CDH4: variants seen among roughly 807,000 people sequenced by gnomAD.
CDH4 encodes cadherin-4.
In CDH4, 33 loss-of-function variants were observed where a neutral mutation model predicts 86.0. The observed-to-expected ratio is 0.38, with a 90% CI of 0.29 to 0.51. The LOEUF (loss-of-function observed/expected upper bound fraction) is 0.51. Ranked by LOEUF, CDH4 falls within the 20% of genes least tolerant of loss-of-function variation. The probability of loss-of-function intolerance (pLI) is 0.86; values close to 1 mark genes in which losing one functional copy is unlikely to be tolerated. For missense variants in CDH4, 1,114 were observed against 1,307.4 expected, an observed-to-expected ratio of 0.85 and a Z score of 2.28; for synonymous variants, 555 against 549.4, an observed-to-expected ratio of 1.01 and a Z score of -0.14.
intron 9 of CDH4, among the ~76,000 whole-genome samples, chr20:61,920,519 A>G (rs1202817701): frequency 1.4e-5 from 2 of 147,210 alleles, no homozygotes; most frequent in Non-Finnish European, 3.0e-5. Context: ...ATTATGTGGA[A>G]GTGTGGTGTC....
At chr20:61,597,844 G>T (rs940256957) in intron 2 of CDH4, among the ~76,000 whole-genome samples, 1 of 152,234 alleles carries the variant, frequency 6.6e-6, no homozygotes, top group Non-Finnish European at 1.5e-5. Context: ...AGCCTCAGAT[G>T]CAGCCGGGCG....
intron 2 of CDH4, among the ~76,000 whole-genome samples, chr20:61,290,735 C>G (rs991520626): frequency 6.6e-6 from 1 of 152,154 alleles, no homozygotes; most frequent in Non-Finnish European, 1.5e-5. Context: ...ACCCAGCCAC[C>G]CACAGTGGGC....
rs1026906810 is a variant in CDH4, at chr20:61,336,225, C to T, written c.169+81288C>T. ...CTGCTATGAGACCATGGGTGAATCA[C>T]AGTTCACTCAATAAGCCTTTTTTTT... On this transcript the variant is annotated intron_variant, in intron 2 of 15. Transcript: ENST00000614565. Among the ~76,000 whole-genome samples the T allele has an allele frequency of 4.6e-5, 7 of 152,314 alleles. No homozygotes were observed. In the South Asian group the frequency reaches 1.5e-3, roughly 32 times the overall value.
chr20:61,316,157 G>T (rs1347993740), intron 2 of CDH4, among the ~76,000 whole-genome samples: 1 of 152,144 alleles, frequency 6.6e-6, no homozygotes, highest in South Asian at 2.1e-4. Flanking sequence ...TTAGGATGGG[G>T]CAGGTTTCAG....
At chr20:61,761,709 C>T (rs2088634943) in intron 3 of CDH4, among the ~76,000 whole-genome samples, 1 of 152,142 alleles carries the variant, frequency 6.6e-6, no homozygotes, top group Admixed American at 6.6e-5. Flanking sequence ...GAGGGGTGAG[C>T]GCGGATTTTG....
chr20:61,678,509 G>C (rs1276189018), intron 2 of CDH4, among the ~76,000 whole-genome samples: 10 of 152,190 alleles, frequency 6.6e-5, no homozygotes, highest in Non-Finnish European at 1.2e-4. Context: ...AATGACACCA[G>C]GTAGCCAGGA....
At chr20:61,333,939 C>G (rs925126195) in intron 2 of CDH4, among the ~76,000 whole-genome samples, 3 of 152,188 alleles carry the variant, frequency 2.0e-5, no homozygotes, top group Non-Finnish European at 2.9e-5. Flanking sequence ...TGGGAGGGGG[C>G]CTCCTGGTCG....
At chr20:61,886,667 C>G (rs904540968) in intron 7 of CDH4, among the ~76,000 whole-genome samples, 1 of 152,150 alleles carries the variant, frequency 6.6e-6, no homozygotes, top group Non-Finnish European at 1.5e-5. Context: ...AGAGCTGAGT[C>G]CTGGGTCATC....
chr20:61,826,962 AGTGTGTGTGTGTGTGTGT>A (rs11470719), intron 4 of CDH4, among the ~76,000 whole-genome samples: 28 of 145,992 alleles, frequency 1.9e-4, no homozygotes, highest in East Asian at 4.0e-4. Context: ...AGAAGGGAAA[AGTGTGTGTGTGTGTGTGT>A]GTGTGTGTGT....
Position 61,623,621 on chromosome 20 carries a change from G to A in CDH4, c.170-119942G>A, listed in dbSNP as rs976043952. On this transcript the variant is annotated intron_variant, in intron 2 of 15. Transcript: ENST00000614565. The surrounding 1 kb of genome is among the most constrained non-coding windows in gnomAD (Gnocchi z 4.4). Reference sequence around the variant, plus strand: ...TTTCCTCTACATGAGCATCATTCGTGCAAAGTGCATCACAGCTGATTCTGA... The same window carrying A: ...TTTCCTCTACATGAGCATCATTCGTACAAAGTGCATCACAGCTGATTCTGA... Among the ~76,000 whole-genome samples the A allele has an allele frequency of 3.3e-5, 5 of 152,160 alleles. No individual in the cohort carries two copies. The highest frequency in any genetic ancestry group is 5.9e-5 in the Non-Finnish European group (4 of 68,034).
intron 2 of CDH4, chr20:61,718,857 C>T: frequency 2.1e-6 from 1 of 471,194 alleles, no homozygotes; most frequent in Non-Finnish European, 4.4e-6. Flanking sequence ...TTGGACTTCA[C>T]TGTTCCTGCT....
Position 61,879,834 on chromosome 20 carries a change from C to A in CDH4, c.1050+5934C>A, listed in dbSNP as rs191427320. Among the ~76,000 whole-genome samples, 1 of 152,280 alleles carries A rather than the reference C, an allele frequency of 6.6e-6. No homozygotes were observed. The highest frequency in any genetic ancestry group is 1.5e-5 in the Non-Finnish European group (1 of 68,024). On this transcript the variant is annotated intron_variant, in intron 7 of 15. Coordinates refer to ENST00000614565, the MANE Select transcript of CDH4 (RefSeq NM_001794.5). This position sits in a 1 kb window ranked among gnomAD's most constrained non-coding sequence, Gnocchi z 4.1. ...TCTCAGCGTCCCTTCCAGGCTGCTC[C>A]CGAGGATGTTGATTTTGTTATTAGA...
chr20:61,257,871 G>T (rs2084107596), intron 2 of CDH4, among the ~76,000 whole-genome samples: 1 of 152,244 alleles, frequency 6.6e-6, no homozygotes, highest in Non-Finnish European at 1.5e-5. Flanking sequence ...GTAGAGGCGG[G>T]AGAGTCCTAG....
chr20:61,777,596 A>T (rs1025353247), intron 4 of CDH4, among the ~76,000 whole-genome samples: 2 of 152,220 alleles, frequency 1.3e-5, no homozygotes, highest in African/African-American at 2.4e-5. Context: ...GTGCATGTGC[A>T]CACACATCCA....
intron 2 of CDH4, among the ~76,000 whole-genome samples, chr20:61,373,630 A>G (rs2084851783): frequency 6.6e-6 from 1 of 152,154 alleles, no homozygotes. Context: ...CCTGGGGAAT[A>G]TGCGTTCCGA....
intron 2 of CDH4, among the ~76,000 whole-genome samples, chr20:61,638,484 T>C (rs886843374): frequency 3.9e-5 from 6 of 152,094 alleles, no homozygotes; most frequent in Admixed American, 2.0e-4. Flanking sequence ...TGTTTTGAAC[T>C]CTCTGGGGGG....
chr20:61,400,268 C>T (rs1407749365), intron 2 of CDH4, among the ~76,000 whole-genome samples: 1 of 152,198 alleles, frequency 6.6e-6, no homozygotes, highest in Non-Finnish European at 1.5e-5. Context: ...GCTCTACAAT[C>T]AGAGCTTTCC....
At chr20:61,565,296 T>TA (rs1234946320) in intron 2 of CDH4, among the ~76,000 whole-genome samples, 1 of 54,216 alleles carries the variant, frequency 1.8e-5, no homozygotes, top group Non-Finnish European at 3.7e-5. Flanking sequence ...GTGATGGTGG[T>TA]GGCGGTGCTC....
chr20:61,394,616 GCTGAGCACCAT>G (rs2085005515), intron 2 of CDH4, among the ~76,000 whole-genome samples: 1 of 151,830 alleles, frequency 6.6e-6, no homozygotes, highest in Non-Finnish European at 1.5e-5. Context: ...CCAGGGGACA[GCTGAGCACCAT>G]CTGAGCAGTC....
Sources: allele counts gnomAD v4.1 joint callset (sites outside exome capture counted in the v4.1 genomes callset), GRCh38; gene constraint gnomAD v4.1.1; non-coding constraint Gnocchi (gnomAD v3.1); transcripts MANE v1.5; gene names NCBI Gene and HGNC (gene_info 2026-07-23, HGNC 2026-07-21).